The following SMYD3 variants were observed in gnomAD, a reference collection of about 807,000 sequenced individuals.
The protein encoded by SMYD3 is SET and MYND domain containing 3, also known as histone-lysine N-methyltransferase SMYD3.
SMYD3 carries 36 observed loss-of-function variants against 57.7 expected under a neutral mutation model. The ratio of observed to expected loss-of-function variants is 0.62; its 90% confidence interval spans 0.48 to 0.82. The LOEUF is 0.82. Among genes scored for constraint, SMYD3 ranks in the 40% least tolerant of loss-of-function variants. The pLI is 0.00. For synonymous variants in SMYD3, 211 were observed against 195.0 expected, an observed-to-expected ratio of 1.08 and a Z score of -0.68; for missense variants, 515 against 538.8, an observed-to-expected ratio of 0.96 and a Z score of 0.44.
At chr1:246,063,998 G>A (rs369614558) in intron 5 of SMYD3, among the ~76,000 whole-genome samples, 70 of 152,238 alleles carry the variant, frequency 4.6e-4, no homozygotes, top group Admixed American at 3.0e-3. Flanking sequence ...TCTGCACAGC[G>A]ACTAGGCCAG....
chr1:246,402,258 TTTA>T (rs2066782266), intron 1 of SMYD3, among the ~76,000 whole-genome samples: 1 of 148,146 alleles, frequency 6.8e-6, no homozygotes, highest in African/African-American at 2.5e-5. Context: ...GATGAACAAA[TTTA>T]TTATTAAACT....
At chr1:245,814,390 G>A in intron 10 of SMYD3, 1 of 984,436 alleles carries the variant, frequency 1.0e-6, no homozygotes, top group Non-Finnish European at 1.2e-6. Flanking sequence ...TTTTTTAAAA[G>A]AAGATTCTTT....
chr1:245,825,589 C>A (rs1032097923), intron 10 of SMYD3, among the ~76,000 whole-genome samples: 1 of 152,162 alleles, frequency 6.6e-6, no homozygotes, highest in African/African-American at 2.4e-5. Context: ...ATCTTGTCCC[C>A]CTCTCTGTTC....
At chr1:246,379,343 T>C (rs1018559697) in intron 1 of SMYD3, among the ~76,000 whole-genome samples, 1 of 152,130 alleles carries the variant, frequency 6.6e-6, no homozygotes, top group Non-Finnish European at 1.5e-5. Context: ...ACGGTTTTAT[T>C]ATTAAGATTT....
Position 246,185,400 on chromosome 1 carries a change from C to T in SMYD3, c.531+141801G>A, listed in dbSNP as rs543528279. Among the ~76,000 whole-genome samples the T allele has an allele frequency of 2.0e-5, 3 of 148,950 alleles. No individual in the cohort carries two copies. In the South Asian group the frequency reaches 6.4e-4, roughly 32 times the overall value. Reference sequence around the variant, plus strand: ...TGCAGGTGCCCGCCAACACGCCCGGCTAATTTTTGTACTTTTAGTAGAGAC... The same window carrying T: ...TGCAGGTGCCCGCCAACACGCCCGGTTAATTTTTGTACTTTTAGTAGAGAC... On this transcript the variant is annotated intron_variant, in intron 5 of 11. Coordinates refer to ENST00000490107, the MANE Select transcript of SMYD3 (RefSeq NM_001167740.2).
At chr1:245,839,466 G>A (rs2050287229) in intron 10 of SMYD3, among the ~76,000 whole-genome samples, 1 of 151,816 alleles carries the variant, frequency 6.6e-6, no homozygotes, top group South Asian at 2.1e-4. Flanking sequence ...ACTGTGCCCA[G>A]CCCAGGCCAG....
intron 1 of SMYD3, among the ~76,000 whole-genome samples, chr1:246,449,545 T>G (rs1001448186): frequency 5.9e-5 from 9 of 152,094 alleles, no homozygotes; most frequent in Admixed American, 5.2e-4. Flanking sequence ...GCGATTACCT[T>G]ATGCAAGTTC....
At chr1:246,386,081 G>C (rs545592006) in intron 1 of SMYD3, among the ~76,000 whole-genome samples, 1 of 152,038 alleles carries the variant, frequency 6.6e-6, no homozygotes, top group South Asian at 2.1e-4. Context: ...GTAGAGACAG[G>C]GTTTCACCGT....
intron 2 of SMYD3, among the ~76,000 whole-genome samples, chr1:246,351,981 A>C (rs2065835290): frequency 6.6e-6 from 1 of 151,782 alleles, no homozygotes; most frequent in East Asian, 1.9e-4. Context: ...ACTAAAATAG[A>C]AAAAATTAGC....
intron 5 of SMYD3, among the ~76,000 whole-genome samples, chr1:246,186,579 G>C (rs1010288248): frequency 6.6e-6 from 1 of 152,084 alleles, no homozygotes; most frequent in African/African-American, 2.4e-5. Flanking sequence ...ACAGAATTTA[G>C]AATTCTTGTT....
Position 246,094,283 on chromosome 1 carries a change from G to A in SMYD3, c.532-164346C>T, listed in dbSNP as rs151229501. 7.3e-4 allele frequency among the ~76,000 whole-genome samples: 111 copies of A among 152,252 alleles called. 1 individual carries two copies. In the East Asian group the frequency reaches 0.019, roughly 27 times the overall value. On this transcript the variant is annotated intron_variant, in intron 5 of 11. Coordinates refer to ENST00000490107, the MANE Select transcript of SMYD3 (RefSeq NM_001167740.2). ...TACCTCATGTGCCAGGTCCTGTGCC[G>A]GGGACTTTCCATACACTGCGTCCTT... is the stretch of plus-strand genomic sequence containing the variant.
intron 5 of SMYD3, among the ~76,000 whole-genome samples, chr1:246,015,068 C>A (rs982957900): frequency 3.9e-5 from 6 of 152,154 alleles, no homozygotes; most frequent in African/African-American, 1.2e-4. Context: ...TTCAAGCCCA[C>A]TGAATTCCCT....
At chr1:245,769,859 C>T (rs774528693) in intron 10 of SMYD3, among the ~76,000 whole-genome samples, 5 of 152,180 alleles carry the variant, frequency 3.3e-5, no homozygotes, top group African/African-American at 4.8e-5. Flanking sequence ...CTCTTACAGT[C>T]AGCCCATGGT....
At chr1:245,817,416 C>A (rs201929012) in intron 10 of SMYD3, among the ~76,000 whole-genome samples, 1 of 148,860 alleles carries the variant, frequency 6.7e-6, no homozygotes, top group Admixed American at 6.7e-5. Context: ...TCATCAAAGA[C>A]CAAAAGTAGA....
chr1:246,179,659 C>A (rs2062500660), intron 5 of SMYD3, among the ~76,000 whole-genome samples: 1 of 152,190 alleles, frequency 6.6e-6, no homozygotes, highest in South Asian at 2.1e-4. Context: ...GGCCACTTCT[C>A]CTAGAAGAAG....
intron 5 of SMYD3, among the ~76,000 whole-genome samples, chr1:245,949,906 A>G (rs12081763): frequency 0.058 from 8,657 of 149,844 alleles, 792 homozygotes; most frequent in African/African-American, 0.2. Flanking sequence ...CTATAGACCT[A>G]TCTTCAGGAA....
chr1:246,221,251 C>G (rs982604168), intron 5 of SMYD3, among the ~76,000 whole-genome samples: 3 of 152,142 alleles, frequency 2.0e-5, no homozygotes, highest in Non-Finnish European at 4.4e-5. Context: ...ATCCTGGCTA[C>G]GGAGAGGACC....
At chr1:246,397,543 T>C (rs1252177236) in intron 1 of SMYD3, among the ~76,000 whole-genome samples, 4 of 152,170 alleles carry the variant, frequency 2.6e-5, no homozygotes, top group Non-Finnish European at 1.5e-5. Flanking sequence ...AACAAATGTT[T>C]ATTATTGCCA....
chr1:246,505,548 T>G (rs1388868592), intron 1 of SMYD3, among the ~76,000 whole-genome samples: 1 of 137,584 alleles, frequency 7.3e-6, no homozygotes, highest in Non-Finnish European at 1.6e-5. Flanking sequence ...CCCCAGCTAC[T>G]TTTGCAGTGC....
Sources: gnomAD v4.1 joint callset for allele counts (sites outside exome capture counted in the v4.1 genomes callset) on GRCh38, gnomAD v4.1.1 for gene constraint, MANE v1.5 for transcripts, NCBI Gene and HGNC (gene_info 2026-07-23, HGNC 2026-07-21) for gene names.